Variants in ADAMTSL3 observed in about 807,000 individuals in gnomAD.
ADAMTSL3 encodes the protein ADAMTS like 3, also known as ADAMTS-like protein 3.
ADAMTSL3 carries 128 observed loss-of-function variants against 201.7 expected under a neutral mutation model. The ratio of observed to expected loss-of-function variants is 0.63; its 90% CI spans 0.55 to 0.73. The LOEUF (loss-of-function observed/expected upper bound fraction) is 0.73. Among genes scored for constraint, ADAMTSL3 ranks in the 30% least tolerant of loss-of-function variants. The probability of loss-of-function intolerance (pLI) is 0.00; values close to 1 mark genes in which losing one functional copy is unlikely to be tolerated. For missense variants in ADAMTSL3, 1,990 were observed against 2,119.6 expected (o/e 0.94, Z 1.20); for synonymous variants, 738 against 748.4 (o/e 0.99, Z 0.23).
intron 3 of ADAMTSL3, among the ~76,000 whole-genome samples, chr15:83,719,445 A>T (rs1219730659): frequency 6.6e-6 from 1 of 152,236 alleles, no homozygotes; most frequent in Non-Finnish European, 1.5e-5. Context: ...CAAAAAACCT[A>T]CGACAACACT....
chr15:83,720,117 G>T (rs1191501434), intron 3 of ADAMTSL3, among the ~76,000 whole-genome samples: 1 of 152,154 alleles, frequency 6.6e-6, no homozygotes, highest in Admixed American at 6.5e-5. Context: ...TACTCAGGAG[G>T]CTTAGGCAGG....
chr15:83,766,923 T>A (rs1342552189), intron 3 of ADAMTSL3, among the ~76,000 whole-genome samples: 2 of 152,096 alleles, frequency 1.3e-5, no homozygotes, highest in Non-Finnish European at 2.9e-5. Context: ...GGTGAAACCC[T>A]GTCTCTACGA....
intron 15 of ADAMTSL3, among the ~76,000 whole-genome samples, chr15:83,901,882 C>A (rs1338400214): frequency 6.6e-6 from 1 of 152,118 alleles, no homozygotes. Context: ...TCACAGAGTC[C>A]TTTGTCTAGA....
chr15:83,932,640 G>A (rs1162889038), intron 17 of ADAMTSL3, among the ~76,000 whole-genome samples: 1 of 152,304 alleles, frequency 6.6e-6, no homozygotes, highest in Non-Finnish European at 1.5e-5. Flanking sequence ...AGAGCTACAA[G>A]TAGCCCTTTA....
intron 15 of ADAMTSL3, 123 bp from the exon 16 acceptor site, chr15:83,912,969 T>G: frequency 1.0e-6 from 1 of 1,003,748 alleles, no homozygotes; most frequent in Non-Finnish European, 1.5e-6. Context: ...ATTCCAAATG[T>G]GTGGAATTCC....
intron 15 of ADAMTSL3, among the ~76,000 whole-genome samples, chr15:83,905,284 T>TA (rs561022676): frequency 3.6e-4 from 55 of 152,300 alleles, no homozygotes; most frequent in African/African-American, 1.3e-3. Flanking sequence ...ATAATTACGT[T>TA]ATGGTGTTAT....
At chr15:83,784,606 T>C (rs1163729476) in intron 4 of ADAMTSL3, among the ~76,000 whole-genome samples, 1 of 152,174 alleles carries the variant, frequency 6.6e-6, no homozygotes, top group East Asian at 1.9e-4. Flanking sequence ...TCCTCCTCTC[T>C]CCATTTTCCT....
At chr15:83,938,796 G>T (rs938343752) in intron 17 of ADAMTSL3, among the ~76,000 whole-genome samples, 1 of 151,960 alleles carries the variant, frequency 6.6e-6, no homozygotes, top group African/African-American at 2.4e-5. Context: ...ATTGATTTCT[G>T]GTCAACTGAG....
At chr15:83,896,107 G>T (rs1176031491) in intron 13 of ADAMTSL3, among the ~76,000 whole-genome samples, 1 of 152,234 alleles carries the variant, frequency 6.6e-6, no homozygotes, top group East Asian at 1.9e-4. Context: ...ATTCCACTCT[G>T]CCTGTTAGGA....
rs149864746 is a variant in ADAMTSL3, at chr15:83,711,674, A to G, written c.189+7166A>G. 2.2e-3 allele frequency among the ~76,000 whole-genome samples: 332 copies of G among 152,386 alleles called. 2 individuals are homozygous for G. Among genetic ancestry groups the G allele is most frequent in the African/African-American group, 7.7e-3 (322 of 41,594 alleles). On this transcript the variant is annotated intron_variant, in intron 3 of 29. Coordinates refer to ENST00000286744, the MANE Select transcript of ADAMTSL3 (RefSeq NM_207517.3). Reference sequence around the variant, plus strand: ...TACTGTGTTCACAGTTCATGCGTGTAGCAAATGCATGAATACTGCACATGC... The same window carrying G: ...TACTGTGTTCACAGTTCATGCGTGTGGCAAATGCATGAATACTGCACATGC...
intron 3 of ADAMTSL3, among the ~76,000 whole-genome samples, chr15:83,762,571 T>C (rs1259454858): frequency 2.6e-5 from 4 of 152,172 alleles, no homozygotes; most frequent in Non-Finnish European, 1.5e-5. Context: ...ACGAACGCTA[T>C]GTCCTCACGC....
At chr15:83,970,809 G>T (rs1279524006) in intron 20 of ADAMTSL3, among the ~76,000 whole-genome samples, 172 bp downstream of exon 20, 7 of 152,244 alleles carry the variant, frequency 4.6e-5, no homozygotes, top group African/African-American at 1.7e-4. Flanking sequence ...CCAAGATATA[G>T]TTCTAAGAAA....
intron 6 of ADAMTSL3, among the ~76,000 whole-genome samples, chr15:83,823,141 C>T (rs1021379597): frequency 7.0e-6 from 1 of 142,788 alleles, no homozygotes; most frequent in Non-Finnish European, 1.5e-5. Flanking sequence ...GCCGAGATGG[C>T]AGCAGTACAG....
intron 4 of ADAMTSL3, among the ~76,000 whole-genome samples, chr15:83,784,776 A>G (rs2063233297): frequency 6.6e-6 from 1 of 151,316 alleles, no homozygotes. Context: ...CTCCTTATGT[A>G]AAATGATGAT....
chr15:83,701,513 C>T (rs1457552074), intron 2 of ADAMTSL3, among the ~76,000 whole-genome samples: 2 of 152,188 alleles, frequency 1.3e-5, no homozygotes, highest in East Asian at 3.9e-4. Context: ...ATCTCATCTT[C>T]AATTGTGCTC....
At chr15:83,929,727 C>CAG (rs2066318783) in intron 17 of ADAMTSL3, among the ~76,000 whole-genome samples, 1 of 150,342 alleles carries the variant, frequency 6.7e-6, no homozygotes, top group East Asian at 2.0e-4. Flanking sequence ...GACAGAGAGA[C>CAG]AGAGACAGAC....
At chr15:83,953,302 G>T (rs558526579) in intron 19 of ADAMTSL3, among the ~76,000 whole-genome samples, 1 of 151,370 alleles carries the variant, frequency 6.6e-6, no homozygotes, top group African/African-American at 2.4e-5. Context: ...TGTATCCATC[G>T]TATGGTTTTT....
chr15:83,763,557 T>G (rs969911047), intron 3 of ADAMTSL3, among the ~76,000 whole-genome samples: 2 of 149,406 alleles, frequency 1.3e-5, no homozygotes, highest in Non-Finnish European at 3.0e-5. Flanking sequence ...CAGGCAGGAG[T>G]GCAATGGCAC....
intron 3 of ADAMTSL3, among the ~76,000 whole-genome samples, chr15:83,741,439 C>G (rs545536917): frequency 4.0e-4 from 61 of 152,028 alleles, no homozygotes; most frequent in African/African-American, 1.4e-3. Flanking sequence ...ACATAGAACA[C>G]TACTAAATTT....
Sources: allele counts gnomAD v4.1 joint callset (sites outside exome capture counted in the v4.1 genomes callset), GRCh38; gene constraint gnomAD v4.1.1; transcripts MANE v1.5; gene names NCBI Gene and HGNC (gene_info 2026-07-23, HGNC 2026-07-21).